FANCB: variants seen among roughly 807,000 people sequenced by gnomAD.
FANCB encodes the protein FA complementation group B.
Under a neutral mutation model 38.9 loss-of-function variants are expected in FANCB, and 5 were observed. That is an observed-to-expected ratio of 0.13 (90% CI 0.07 to 0.27). The LOEUF is 0.27. Ranked by LOEUF, FANCB falls within the 10% of genes least tolerant of loss-of-function variation. The pLI, the probability that FANCB is intolerant of heterozygous loss-of-function variation, is 1.00. For missense variants in FANCB, 573 were observed against 602.7 expected (o/e 0.95, Z 0.52); for synonymous variants, 236 against 215.4 (o/e 1.10, Z -0.84).
chrX:14,708,354 C>G, the FANCB span, among the ~76,000 whole-genome samples: 3 of 111,722 alleles, frequency 2.7e-5, no homozygotes, highest in East Asian at 5.7e-4. Context: ...AGGCTTAAAC[C>G]TTCTCACATA....
rs1410017324 is a variant in FANCB at position 14,865,230 on chromosome X, A to G, written c.281T>C (p.Ile94Thr). Residue 94 changes from isoleucine (I) to threonine (T), a missense_variant, in exon 3 of 10, where the codon ATT becomes ACT. By Grantham distance (89) the Ile-to-Thr change is moderately conservative. Coordinates refer to ENST00000650831, the MANE Select transcript of FANCB (RefSeq NM_001018113.3). ...ATTCTTTTTATTTTTTTCTATCACA[A>G]TGTAAGGGAGGTTAATTCCAGTTCT... ...DFRTGINLPY[I>T]VIEKNKKNNV... 8.7e-7 allele frequency: 1 copy of G among 1,151,489 alleles called. No individual in the cohort carries two copies. Among genetic ancestry groups the G allele is most frequent in the Non-Finnish European group, 1.2e-6 (1 of 865,893 alleles). 94.9% of individuals were successfully genotyped at this position (1,151,489 alleles called of 1,213,427 possible). A position where few individuals can be genotyped will look rare whatever the true frequency, so the allele number is the denominator to read the frequency against.
the FANCB span, among the ~76,000 whole-genome samples, chrX:14,783,204 A>C: frequency 8.9e-6 from 1 of 112,380 alleles, no homozygotes; most frequent in South Asian, 3.7e-4. Context: ...ATATCCAAAA[A>C]TCTAACTCAG....
the FANCB span, among the ~76,000 whole-genome samples, chrX:14,701,968 T>G: frequency 8.9e-6 from 1 of 112,094 alleles, no homozygotes. Flanking sequence ...TTTAAGTGCA[T>G]GATTTAAAGT....
chrX:14,706,553 C>A, the FANCB span, among the ~76,000 whole-genome samples: 3 of 111,854 alleles, frequency 2.7e-5, no homozygotes, highest in African/African-American at 9.8e-5. Flanking sequence ...AGTAATTTAA[C>A]CCTATGTTGC....
At chrX:14,837,622 A>G (rs765647805) in intron 10 of FANCB, among the ~76,000 whole-genome samples, 13 of 112,689 alleles carry the variant, frequency 1.2e-4, no homozygotes, top group Non-Finnish European at 2.2e-4. Flanking sequence ...ATTCAATTAT[A>G]TTAACAGATT....
At chrX:14,702,731 G>A in the FANCB span, among the ~76,000 whole-genome samples, 6 of 111,437 alleles carry the variant, frequency 5.4e-5, no homozygotes, top group African/African-American at 1.3e-4. Flanking sequence ...GGGTTGTCAC[G>A]GGGGTTCAAG....
At chrX:14,735,424 T>C in the FANCB span, among the ~76,000 whole-genome samples, 1 of 112,015 alleles carries the variant, frequency 8.9e-6, no homozygotes, top group Non-Finnish European at 1.9e-5. Context: ...TCTGTGTGGA[T>C]GTCCTTTTTG....
At chrX:14,848,186 T>G (rs138690007) in intron 7 of FANCB, among the ~76,000 whole-genome samples, 2,518 of 111,813 alleles carry the variant, frequency 0.023, 62 homozygotes, top group African/African-American at 0.078. Flanking sequence ...ATGCTCCTGA[T>G]TATTGTAAAT....
intron 2 of FANCB, among the ~76,000 whole-genome samples, chrX:14,866,745 G>C (rs993894178): frequency 1.8e-5 from 2 of 111,843 alleles, no homozygotes; most frequent in Non-Finnish European, 3.8e-5. Flanking sequence ...AAAGCAATTA[G>C]GCAAGAGAAA....
At chrX:14,865,782 G>A (rs1264214834) in intron 2 of FANCB, among the ~76,000 whole-genome samples, 1 of 111,697 alleles carries the variant, frequency 9.0e-6, no homozygotes, top group Non-Finnish European at 1.9e-5. Flanking sequence ...AGTTTGCTAA[G>A]AATTCAAATA....
intron 9 of FANCB, 74 bp downstream of exon 9, chrX:14,844,429 G>A (rs1293294897): frequency 2.6e-5 from 19 of 721,746 alleles, no homozygotes; most frequent in African/African-American, 1.1e-4. Context: ...CATGCGGATC[G>A]CTGTTGAACC....
chrX:14,810,213 G>A, the FANCB span, among the ~76,000 whole-genome samples: 3 of 111,421 alleles, frequency 2.7e-5, no homozygotes, highest in Non-Finnish European at 5.7e-5. Flanking sequence ...ACAAAGATGG[G>A]GAAAAAACAG....
chrX:14,765,156 C>G, the FANCB span, among the ~76,000 whole-genome samples: 1 of 110,739 alleles, frequency 9.0e-6, no homozygotes, highest in Non-Finnish European at 1.9e-5. Context: ...ATTTGGTAAC[C>G]CTACGTGCCA....
At chrX:14,848,264 G>A (rs1029085363) in intron 7 of FANCB, among the ~76,000 whole-genome samples, 4 of 112,197 alleles carry the variant, frequency 3.6e-5, no homozygotes, top group Non-Finnish European at 5.6e-5. Context: ...CCAACAGCGC[G>A]TGATGTGCTT....
chrX:14,762,631 G>A, the FANCB span, among the ~76,000 whole-genome samples: 2 of 111,783 alleles, frequency 1.8e-5, no homozygotes, highest in Admixed American at 9.5e-5. Context: ...GCAAGCCACC[G>A]AATCTACCAA....
At chrX:14,809,179 A>G in the FANCB span, among the ~76,000 whole-genome samples, 2 of 112,471 alleles carry the variant, frequency 1.8e-5, no homozygotes, top group Admixed American at 1.9e-4. Flanking sequence ...AATAGAAAAA[A>G]CAATATGAGG....
At chrX:14,820,766 A>T in the FANCB span, among the ~76,000 whole-genome samples, 1 of 111,754 alleles carries the variant, frequency 8.9e-6, no homozygotes, top group African/African-American at 3.3e-5. Flanking sequence ...TTTATAAAAA[A>T]AATTGTATTT....
At chrX:14,843,386 G>A, downstream of FANCB, 1 of 408,939 alleles carries the variant, frequency 2.4e-6, no homozygotes, top group East Asian at 4.0e-5. Context: ...TAGAGGAGAG[G>A]GAGATAAAAT....
At chrX:14,790,885 G>A in the FANCB span, among the ~76,000 whole-genome samples, 7 of 111,200 alleles carry the variant, frequency 6.3e-5, no homozygotes, top group African/African-American at 1.3e-4. Flanking sequence ...GGTGGGGGTT[G>A]TAGCAATTAG....
Sources: gnomAD v4.1 joint callset for allele counts (sites outside exome capture counted in the v4.1 genomes callset) on GRCh38, gnomAD v4.1.1 for gene constraint, MANE v1.5 for transcripts, NCBI Gene and HGNC (gene_info 2026-07-23, HGNC 2026-07-21) for gene names.